DNAAF3: variants seen among roughly 807,000 people sequenced by gnomAD.
The protein encoded by DNAAF3 is UPF0470 protein C19orf51.
DNAAF3 carries 40 observed loss-of-function variants against 50.9 expected under a neutral mutation model. The observed-to-expected ratio is 0.79, with a 90% confidence interval of 0.61 to 1.02. The LOEUF is 1.02. Among genes scored for constraint, DNAAF3 ranks in the 50% least tolerant of loss-of-function variants. The pLI is 0.00. For synonymous variants in DNAAF3, 327 were observed against 322.8 expected (o/e 1.01, Z -0.14); for missense variants, 763 against 744.7 (o/e 1.02, Z -0.29).
Position 55,165,389 on chromosome 19 carries a change from C to G in DNAAF3, c.303G>C (p.Pro101=). The G allele has an allele frequency of 1.2e-6, 2 of 1,614,152 alleles. No homozygotes were observed. Among genetic ancestry groups the G allele is most frequent in the African/African-American group, 1.3e-5 (1 of 75,036 alleles). ...MLIFSLALEE[P]EKMGLQERSE... ...ACAGACCTTGCAGCCCCATCTTCTC[C>G]GGTTCCTCCAGGGCTAGGCTGAAGA... Residue 101 remains proline (P), a synonymous_variant, in exon 4 of 12, where the codon CCG becomes CCC. Coordinates refer to ENST00000524407, the MANE Select transcript of DNAAF3 (RefSeq NM_001256715.2).
rs1260613174 is a variant in DNAAF3, at chr19:55,158,911, C to T, written c.*151G>A. ...TCAGAAATGGAATTTGAAAGTCTACCAACACTCCCGGGGTGGGGGTGGCGG... is the reference window on the plus strand; with the variant it reads ...TCAGAAATGGAATTTGAAAGTCTACTAACACTCCCGGGGTGGGGGTGGCGG... On this transcript the variant is annotated 3_prime_UTR_variant, in exon 12 of 12. Coordinates refer to ENST00000524407, the MANE Select transcript of DNAAF3 (RefSeq NM_001256715.2). The T allele has an allele frequency of 1.3e-6, 1 of 787,654 alleles. No individual in the cohort carries two copies. The highest frequency in any genetic ancestry group is 3.0e-5 in the Admixed American group (1 of 33,520). The allele number at this position is 787,654 out of a possible 1,614,324, so 48.8% of individuals were successfully genotyped here.
At position 55,159,988 on chromosome 19, in the gene DNAAF3, G is replaced by A. The variant is rs372671678; in HGVS notation, c.1074C>T (p.Thr358=). Reference sequence around the variant, plus strand: ...CAGAATTGAGCGGCAGGAAGTGGACGGTGAAAGATTCCGGGGTCGGGGCTG... The same window carrying A: ...CAGAATTGAGCGGCAGGAAGTGGACAGTGAAAGATTCCGGGGTCGGGGCTG... The part of the protein sequence containing the change: ...TPAAPTPESF[T]VHFLPLNSAQ... Residue 358 remains threonine (T), a synonymous_variant, in exon 10 of 12, where the codon ACC becomes ACT. Coordinates refer to ENST00000524407, the MANE Select transcript of DNAAF3 (RefSeq NM_001256715.2). 58 of 1,613,712 alleles carry A rather than the reference G, an allele frequency of 3.6e-5. No homozygotes were observed. The highest frequency in any genetic ancestry group is 4.7e-5 in the Non-Finnish European group (55 of 1,179,942).
Position 55,160,507 on chromosome 19 carries a change from A to C in DNAAF3, c.1048+133T>G. 6.9e-7 allele frequency: 1 copy of C among 1,453,422 alleles called. No homozygotes were observed. Among genetic ancestry groups the C allele is most frequent in the Non-Finnish European group, 9.4e-7 (1 of 1,065,018 alleles). The allele number at this position is 1,453,422 out of a possible 1,614,324, so 90.0% of individuals were successfully genotyped here. ...TCTCAGAATTTAGGAAAGGGAGAGA[A>C]AGAGAGAAAAAGAGACAGAATATCA... On this transcript the variant is annotated intron_variant, in intron 9 of 11. Coordinates refer to ENST00000524407, the MANE Select transcript of DNAAF3 (RefSeq NM_001256715.2). The surrounding 1 kb of genome is among the most constrained non-coding windows in gnomAD (Gnocchi z 4.7).
In DNAAF3 at chr19:55,160,061, G is replaced by A. The variant is rs1328048002; in HGVS notation, c.1049-48C>T. ...TCACCTCTGACAGGCGGAGCCATAAGGGCGGAAAACCAGAGAGATACACAG... is the reference window on the plus strand; with the variant it reads ...TCACCTCTGACAGGCGGAGCCATAAAGGCGGAAAACCAGAGAGATACACAG... On this transcript the variant is annotated intron_variant, in intron 9 of 11. Transcript: ENST00000524407. The surrounding 1 kb of genome is among the most constrained non-coding windows in gnomAD (Gnocchi z 4.7). 1 of 1,360,628 alleles carries A rather than the reference G, an allele frequency of 7.3e-7. No homozygotes were observed. The highest frequency in any genetic ancestry group is 2.3e-5 in the East Asian group (1 of 43,556). The allele number at this position is 1,360,628 out of a possible 1,614,324, so 84.3% of individuals were successfully genotyped here. A position where few individuals can be genotyped will look rare whatever the true frequency, so the allele number is the denominator to read the frequency against.
In DNAAF3 at chr19:55,158,828, A is replaced by G; in HGVS notation, c.*234T>C. The G allele has an allele frequency of 4.2e-6, 2 of 472,114 alleles. No individual in the cohort carries two copies. The highest frequency in any genetic ancestry group is 7.3e-6 in the Non-Finnish European group (2 of 272,560). 29.2% of individuals were successfully genotyped at this position (472,114 alleles called of 1,614,324 possible). On this transcript the variant is annotated 3_prime_UTR_variant, in exon 12 of 12. Coordinates refer to ENST00000524407, the MANE Select transcript of DNAAF3 (RefSeq NM_001256715.2). ...CCTAGGCTGGGCTTAGAGCCTCAGA[A>G]GTGGAATTTGGAATTCTGAGAGAAC...
At position 55,162,328 on chromosome 19, in the gene DNAAF3, G is replaced by A. The variant is rs1393803897; in HGVS notation, c.323-38C>T. The A allele has an allele frequency of 3.2e-6, 4 of 1,248,782 alleles. No individual in the cohort carries two copies. The Admixed American group carries it at 1.7e-4, about 52-fold the overall frequency. 77.4% of individuals were successfully genotyped at this position (1,248,782 alleles called of 1,614,324 possible). On this transcript the variant is annotated intron_variant, in intron 4 of 11. Transcript: ENST00000524407. Reference sequence around the variant, plus strand: ...GGAGATAATTGCGGGAATGTGTGGAGGAGGGAGCCCAGAAATTACACCCTT... The same window carrying A: ...GGAGATAATTGCGGGAATGTGTGGAAGAGGGAGCCCAGAAATTACACCCTT...
At position 55,165,843 on chromosome 19, in the gene DNAAF3, T is replaced by C; in HGVS notation, c.228+15A>G. The stretch of plus-strand genomic sequence containing the variant: ...GGACTCGGGAATCTGGGCTCTCATC[T>C]TCATCCCAGCTCACGTTGAACCTCC... On this transcript the variant is annotated intron_variant, in intron 3 of 11. Transcript: ENST00000524407. 1 of 1,612,944 alleles carries C rather than the reference T, an allele frequency of 6.2e-7. No individual in the cohort carries two copies. The highest frequency in any genetic ancestry group is 1.1e-5 in the South Asian group (1 of 90,802).
chr19:55,161,157 A>G lies in DNAAF3; in HGVS notation c.820T>C (p.Trp274Arg), dbSNP rs749849022. 3 of 1,558,318 alleles carry G rather than the reference A, an allele frequency of 1.9e-6. No individual in the cohort carries two copies. The highest frequency in any genetic ancestry group is 1.4e-5 in the African/African-American group (1 of 73,232). Residue 274 changes from tryptophan (W) to arginine (R), a missense_variant, in exon 8 of 12, where the codon TGG (tryptophan) becomes CGG (arginine). Physicochemically the swap from Trp to Arg is moderately radical, Grantham distance 101 (BLOSUM62 -3). Transcript: ENST00000524407. The surrounding 1 kb of genome is among the most constrained non-coding windows in gnomAD (Gnocchi z 6.4). ...RGERVAARGYWGDIATGPFVA... is the reference protein window; with the variant it reads ...RGERVAARGYRGDIATGPFVA... Reference sequence around the variant, plus strand: ...AAGGGCCCCGTGGCGATGTCCCCCCAGTACCCGCGCGCTGCCACGCGCTCC... The same window carrying G: ...AAGGGCCCCGTGGCGATGTCCCCCCGGTACCCGCGCGCTGCCACGCGCTCC...
At position 55,160,226 on chromosome 19, in the gene DNAAF3, G is replaced by C. The variant is rs2085797726; in HGVS notation, c.1049-213C>G. 6.6e-6 allele frequency among the ~76,000 whole-genome samples: 1 copy of C among 152,230 alleles called. No individual in the cohort carries two copies. Among genetic ancestry groups the C allele is most frequent in the Admixed American group, 6.5e-5 (1 of 15,282 alleles). ...CTGGCAGGCAGAGACTCACTGTACA[G>C]ATCAGGCAACTGAGACTCTAGAGAG... is the stretch of plus-strand genomic sequence containing the variant. On this transcript the variant is annotated intron_variant, in intron 9 of 11. Transcript: ENST00000524407. The surrounding 1 kb of genome is among the most constrained non-coding windows in gnomAD (Gnocchi z 4.7).
At chr19:55,163,754 A>G (rs968638969) in intron 4 of DNAAF3, among the ~76,000 whole-genome samples, 5 of 152,208 alleles carry the variant, frequency 3.3e-5, no homozygotes, top group Admixed American at 1.3e-4. Flanking sequence ...TTGTTTAAGA[A>G]CTTAATAGAA....
chr19:55,161,765 G>T lies in DNAAF3; in HGVS notation c.541C>A (p.Pro181Thr), dbSNP rs1342509292. Residue 181 changes from proline (P) to threonine (T), a missense_variant, in exon 6 of 12, where the codon CCC becomes ACC. Pro to Thr is a conservative substitution (Grantham distance 38, BLOSUM62 -1). Transcript: ENST00000524407. The surrounding 1 kb of genome is among the most constrained non-coding windows in gnomAD (Gnocchi z 6.4). Reference sequence around the variant, plus strand: ...AGGCGGCTCATGGGGAACGCCTGGGGCCCTTTCTCGCCGCCAGCCCAGAAG... The same window carrying T: ...AGGCGGCTCATGGGGAACGCCTGGGTCCCTTTCTCGCCGCCAGCCCAGAAG... ...FRFWAGGEKG[P>T]QAFPMSRLWD... The T allele has an allele frequency of 1.3e-6, 2 of 1,511,062 alleles. No individual in the cohort carries two copies. Among genetic ancestry groups the T allele is most frequent in the Non-Finnish European group, 1.8e-6 (2 of 1,130,992 alleles). The allele number at this position is 1,511,062 out of a possible 1,614,324, so 93.6% of individuals were successfully genotyped here.
rs967781137 is a variant in DNAAF3 at position 55,159,512 on chromosome 19, C to A, written c.1238+21G>T. On this transcript the variant is annotated intron_variant, in intron 11 of 11. Coordinates refer to ENST00000524407, the MANE Select transcript of DNAAF3 (RefSeq NM_001256715.2). ...TGATCCCCAGCCAGGATGTTCCCCA[C>A]CCTCCACCCCACTGACTCACCGGGC... The A allele has an allele frequency of 3.1e-6, 5 of 1,597,018 alleles. No individual in the cohort carries two copies. The African/African-American group carries it at 5.4e-5, about 17-fold the overall frequency.
At chr19:55,162,412 C>T (rs920012038) in intron 4 of DNAAF3, 122 bp from the exon 5 acceptor site, 7 of 1,115,460 alleles carry the variant, frequency 6.3e-6, no homozygotes, top group Non-Finnish European at 7.9e-6. Context: ...AAACTCCCCA[C>T]GCATCCCAAA....
At position 55,161,223 on chromosome 19, in the gene DNAAF3, G is replaced by A; in HGVS notation, c.790-36C>T. ...AGGGAGAGAGGAGGCAGGTGAGGTC[G>A]ATGTTGGGGCCCCTGACTCCTAGGA... On this transcript the variant is annotated intron_variant, in intron 7 of 11. Transcript: ENST00000524407. The surrounding 1 kb of genome is among the most constrained non-coding windows in gnomAD (Gnocchi z 6.4). The A allele has an allele frequency of 1.3e-6, 2 of 1,590,216 alleles. No individual in the cohort carries two copies. The highest frequency in any genetic ancestry group is 2.7e-5 in the African/African-American group (2 of 74,438).
chr19:55,163,114 A>T (rs1346247513), intron 4 of DNAAF3, among the ~76,000 whole-genome samples: 4 of 134,808 alleles, frequency 3.0e-5, no homozygotes, highest in Non-Finnish European at 6.1e-5. Flanking sequence ...GGTTCACGCC[A>T]TTCTTCTGCC....
chr19:55,165,713 A>G (rs2085926468), intron 3 of DNAAF3, 145 bp downstream of exon 3: 2 of 1,381,720 alleles, frequency 1.4e-6, no homozygotes, highest in East Asian at 2.5e-5. Flanking sequence ...TTCCCCCAAG[A>G]CGCATCGGTT....
At chr19:55,164,456 T>G (rs2085900669) in intron 4 of DNAAF3, among the ~76,000 whole-genome samples, 3 of 152,152 alleles carry the variant, frequency 2.0e-5, no homozygotes. Context: ...CACTCCAATC[T>G]GGGCAACGGG....
At position 55,162,256 on chromosome 19, in the gene DNAAF3, G is replaced by C. The variant is rs1165524335; in HGVS notation, c.357C>G (p.Asn119Lys). 3.2e-6 allele frequency: 4 copies of C among 1,250,172 alleles called. No homozygotes were observed. The highest frequency in any genetic ancestry group is 4.0e-6 in the Non-Finnish European group (4 of 989,400). The allele number at this position is 1,250,172 out of a possible 1,614,324, so 77.4% of individuals were successfully genotyped here. A position where few individuals can be genotyped will look rare whatever the true frequency, so the allele number is the denominator to read the frequency against. Residue 119 changes from asparagine to lysine, a missense_variant, in exon 5 of 12, where the codon AAC becomes AAG. Asn to Lys is a moderately conservative substitution (Grantham distance 94). Coordinates refer to ENST00000524407, the MANE Select transcript of DNAAF3 (RefSeq NM_001256715.2). ...RSETFLEVWG[N>K]ALLRPPVAAF... is the part of the protein sequence containing the mutation. ...CGGCCACTGGCGGGCGCAGCAGCGCGTTCCCCCACACTTCCAGGAAGGTCT... is the reference window on the plus strand; with the variant it reads ...CGGCCACTGGCGGGCGCAGCAGCGCCTTCCCCCACACTTCCAGGAAGGTCT...
In DNAAF3 at chr19:55,165,469, A is replaced by G. The variant is rs764819869; in HGVS notation, c.229-6T>C. 8.7e-6 allele frequency: 14 copies of G among 1,613,870 alleles called. No individual in the cohort carries two copies. The African/African-American group carries it at 1.9e-4, about 22-fold the overall frequency. On this transcript the variant is annotated splice_region_variant and splice_polypyrimidine_tract_variant and intron_variant, in intron 3 of 11. Coordinates refer to ENST00000524407, the MANE Select transcript of DNAAF3 (RefSeq NM_001256715.2). ...TTATTCTCCAGCACAAAGAACTAGA[A>G]GGATGGACAGGGCAGAATAATTCTG... is the stretch of plus-strand genomic sequence containing the variant.
Sources: gnomAD v4.1 joint callset for allele counts (sites outside exome capture counted in the v4.1 genomes callset) on GRCh38, gnomAD v4.1.1 for gene constraint, Gnocchi (gnomAD v3.1) non-coding constraint, MANE v1.5 for transcripts, NCBI Gene and HGNC (gene_info 2026-07-23, HGNC 2026-07-21) for gene names.